The following SHISA9 variants were observed in gnomAD, a reference collection of about 807,000 sequenced individuals.
SHISA9 encodes the protein protein shisa-9.
SHISA9 carries 13 observed loss-of-function variants against 38.0 expected under a neutral mutation model. The observed-to-expected ratio is 0.34, with a 90% CI of 0.22 to 0.54. The LOEUF (loss-of-function observed/expected upper bound fraction) is 0.54. SHISA9 is among the 20% of genes least tolerant of loss of function. SHISA9 has a pLI of 0.91. For synonymous variants in SHISA9, 275 were observed against 242.0 expected (o/e 1.14, Z -1.27); for missense variants, 538 against 575.8 (o/e 0.93, Z 0.67).
At chr16:13,392,232 G>C in the SHISA9 span, among the ~76,000 whole-genome samples, 1 of 152,096 alleles carries the variant, frequency 6.6e-6, no homozygotes, top group African/African-American at 2.4e-5. Context: ...TGATTGTTTT[G>C]GAAATAGACT....
chr16:12,959,546 C>T (rs996147764), intron 2 of SHISA9, among the ~76,000 whole-genome samples: 4 of 152,084 alleles, frequency 2.6e-5, no homozygotes, highest in African/African-American at 4.8e-5. Context: ...AGCTCAGACT[C>T]GAGAAAAAAC....
At chr16:12,995,929 T>C (rs1329638613) in intron 2 of SHISA9, among the ~76,000 whole-genome samples, 2 of 152,194 alleles carry the variant, frequency 1.3e-5, no homozygotes, top group Non-Finnish European at 1.5e-5. Context: ...ACGGCTCTGA[T>C]GGTGCTTCTT....
At chr16:13,520,587 G>C in the SHISA9 span, among the ~76,000 whole-genome samples, 8 of 107,026 alleles carry the variant, frequency 7.5e-5, no homozygotes, top group Admixed American at 2.3e-4. Context: ...TGGGCAAAAA[G>C]AGTGAAACTC....
intron 2 of SHISA9, among the ~76,000 whole-genome samples, chr16:13,054,386 A>G (rs2073286979): frequency 6.6e-6 from 1 of 152,142 alleles, no homozygotes; most frequent in African/African-American, 2.4e-5. Flanking sequence ...TTTCCCATCC[A>G]TCCTTTGGTA....
At chr16:13,116,339 C>T (rs1317797313) in intron 2 of SHISA9, among the ~76,000 whole-genome samples, 1 of 152,104 alleles carries the variant, frequency 6.6e-6, no homozygotes, top group Admixed American at 6.5e-5. Flanking sequence ...CAAAGTGTTC[C>T]TCGGAAATAA....
intron 2 of SHISA9, among the ~76,000 whole-genome samples, chr16:13,137,110 G>A (rs1032360882): frequency 3.9e-5 from 6 of 152,160 alleles, no homozygotes; most frequent in Admixed American, 2.6e-4. Context: ...TTTCAAGCCT[G>A]TCTCAGCTTG....
At chr16:13,313,254 C>CAAAAAA in the SHISA9 span, among the ~76,000 whole-genome samples, 26 of 49,642 alleles carry the variant, frequency 5.2e-4, no homozygotes, top group African/African-American at 1.5e-3. Flanking sequence ...GACTCCGTCT[C>CAAAAAA]AAAAAAAAAA....
chr16:13,146,357 T>A (rs993604769), intron 2 of SHISA9, among the ~76,000 whole-genome samples: 1 of 152,176 alleles, frequency 6.6e-6, no homozygotes, highest in Non-Finnish European at 1.5e-5. Context: ...GCATAGCTTT[T>A]ATTTTTTTTT....
chr16:13,383,645 A>AATAT, the SHISA9 span, among the ~76,000 whole-genome samples: 4 of 151,886 alleles, frequency 2.6e-5, no homozygotes, highest in African/African-American at 9.7e-5. Context: ...GCACCAACCT[A>AATAT]ATATTTATTT....
chr16:13,518,047 G>A, the SHISA9 span, among the ~76,000 whole-genome samples: 4 of 152,124 alleles, frequency 2.6e-5, no homozygotes, highest in East Asian at 3.9e-4. Flanking sequence ...GGTGAATTGC[G>A]CTCTGTGCTC....
rs149937278 is a variant in SHISA9, at chr16:13,014,403, C to T, written c.691+97588C>T. On this transcript the variant is annotated intron_variant, in intron 2 of 4. Transcript: ENST00000558583. ...TGTTTTTTCTGAGCCCACTTGTTAA[C>T]GTCCTCTGATGGCAGTTTGGGAAGG... Among the ~76,000 whole-genome samples, 618 of 152,274 alleles carry T rather than the reference C, an allele frequency of 4.1e-3. 3 individuals carry two copies. Among genetic ancestry groups the T allele is most frequent in the African/African-American group, 0.014 (584 of 41,568 alleles).
At chr16:13,468,521 A>G in the SHISA9 span, among the ~76,000 whole-genome samples, 6 of 152,106 alleles carry the variant, frequency 3.9e-5, no homozygotes. Flanking sequence ...CCATACTTTC[A>G]TTTCTTCCTC....
At chr16:13,324,811 G>A in the SHISA9 span, among the ~76,000 whole-genome samples, 8 of 152,192 alleles carry the variant, frequency 5.3e-5, no homozygotes, top group Non-Finnish European at 8.8e-5. Flanking sequence ...ATAGTTTGGG[G>A]AGACAGAAGT....
chr16:13,562,029 C>A, the SHISA9 span, among the ~76,000 whole-genome samples: 1 of 152,138 alleles, frequency 6.6e-6, no homozygotes, highest in Non-Finnish European at 1.5e-5. Flanking sequence ...ATGGCCTTGT[C>A]CTCACCTTCC....
chr16:13,358,607 A>T, the SHISA9 span, among the ~76,000 whole-genome samples: 2 of 152,294 alleles, frequency 1.3e-5, no homozygotes, highest in African/African-American at 4.8e-5. Context: ...CAAAAACCGT[A>T]AGAGAGTATT....
intron 2 of SHISA9, among the ~76,000 whole-genome samples, chr16:12,989,184 G>A (rs557373102): frequency 1.4e-4 from 22 of 151,792 alleles, no homozygotes; most frequent in Admixed American, 8.5e-4. Context: ...AATGACAATA[G>A]GAATTTGCTT....
At chr16:13,142,189 C>A (rs539771125) in intron 2 of SHISA9, among the ~76,000 whole-genome samples, 1 of 152,062 alleles carries the variant, frequency 6.6e-6, no homozygotes, top group African/African-American at 2.4e-5. Context: ...GTGGACTGGG[C>A]GAAGTGGGAG....
At chr16:13,367,108 G>A in the SHISA9 span, among the ~76,000 whole-genome samples, 31 of 151,712 alleles carry the variant, frequency 2.0e-4, no homozygotes, top group African/African-American at 7.3e-4. Context: ...ACCAGTACAA[G>A]GAGTTTCAAT....
intron 1 of SHISA9, chr16:12,909,843 TCC>T (rs1491385196): frequency 4.7e-5 from 6 of 127,342 alleles, no homozygotes; most frequent in African/African-American, 1.7e-4. Flanking sequence ...CTCCTTCCCT[TCC>T]CCTTCCTTCC....
Sources: allele counts gnomAD v4.1 joint callset (sites outside exome capture counted in the v4.1 genomes callset), GRCh38; gene constraint gnomAD v4.1.1; transcripts MANE v1.5; gene names NCBI Gene and HGNC (gene_info 2026-07-23, HGNC 2026-07-21).